ASTN2: variants seen among roughly 807,000 people sequenced by gnomAD.
The protein encoded by ASTN2 is astrotactin 2.
ASTN2 carries 54 observed loss-of-function variants against 139.8 expected under a neutral mutation model. The ratio of observed to expected loss-of-function variants is 0.39; its 90% CI spans 0.31 to 0.48. The LOEUF is 0.48. ASTN2 is among the 20% of genes least tolerant of loss of function. The pLI is 0.95. For missense variants in ASTN2, 1,565 were observed against 1,725.1 expected (o/e 0.91, Z 1.64); for synonymous variants, 756 against 719.5 (o/e 1.05, Z -0.81).
In ASTN2 at chr9:116,799,664, C is replaced by T. The variant is rs183705139; in HGVS notation, c.2396+5968G>A. Among the ~76,000 whole-genome samples the T allele has an allele frequency of 1.9e-3, 273 of 145,330 alleles. 1 individual carries two copies. The highest frequency in any genetic ancestry group is 0.015 in the Middle Eastern group (4 of 274). On this transcript the variant is annotated intron_variant, in intron 13 of 22. Transcript: ENST00000313400. The stretch of plus-strand genomic sequence containing the variant: ...CAATCTATAACCAAAGTTTACCTTT[C>T]TTCCTTATAGGAATGAAGTAGAATG...
chr9:116,588,012 G>A (rs1854228612), intron 19 of ASTN2, among the ~76,000 whole-genome samples: 1 of 152,112 alleles, frequency 6.6e-6, no homozygotes, highest in Non-Finnish European at 1.5e-5. Context: ...TTGTCATTTA[G>A]AGTGACCTGA....
At chr9:117,101,623 C>T (rs886125199) in intron 4 of ASTN2, among the ~76,000 whole-genome samples, 2 of 152,104 alleles carry the variant, frequency 1.3e-5, no homozygotes, top group Non-Finnish European at 2.9e-5. Flanking sequence ...CCTCCTACAC[C>T]TCACAAGGGG....
intron 19 of ASTN2, among the ~76,000 whole-genome samples, chr9:116,525,464 C>T (rs1157788470): frequency 6.6e-6 from 1 of 152,112 alleles, no homozygotes; most frequent in Non-Finnish European, 1.5e-5. Flanking sequence ...CCTCATCGGC[C>T]CTCCCCTCAT....
intron 1 of ASTN2, among the ~76,000 whole-genome samples, chr9:117,369,759 T>C (rs191158616): frequency 2.0e-5 from 3 of 152,156 alleles, no homozygotes; most frequent in Non-Finnish European, 2.9e-5. Flanking sequence ...TGAAGTCTTA[T>C]AGGTTCTTCT....
chr9:116,820,715 G>A lies in ASTN2; in HGVS notation c.2109C>T (p.Cys703=), dbSNP rs764864605. 6.2e-7 allele frequency: 1 copy of A among 1,614,238 alleles called. No individual in the cohort carries two copies. Among genetic ancestry groups the A allele is most frequent in the East Asian group, 2.2e-5 (1 of 44,880 alleles). The change falls in exon 12 of 23, where the codon TGC becomes TGT. Residue 703 remains cysteine (C), a synonymous_variant. Coordinates refer to ENST00000313400, the MANE Select transcript of ASTN2 (RefSeq NM_001365068.1). ...CACAGCCGCCATTAAAGCCATCAGAGCAGTCAATGCCTTTGGAGTGGTCGT... is the reference window on the plus strand; with the variant it reads ...CACAGCCGCCATTAAAGCCATCAGAACAGTCAATGCCTTTGGAGTGGTCGT... ...GCYDHSKGID[C]SDGFNGGCEQ...
chr9:117,065,185 T>C (rs913698863), intron 5 of ASTN2, among the ~76,000 whole-genome samples: 1 of 152,082 alleles, frequency 6.6e-6, no homozygotes, highest in Non-Finnish European at 1.5e-5. Flanking sequence ...ACAGAACAGA[T>C]TCTCCCTCCG....
chr9:116,677,011 G>C (rs958101571), intron 16 of ASTN2, among the ~76,000 whole-genome samples: 1 of 152,200 alleles, frequency 6.6e-6, no homozygotes, highest in Non-Finnish European at 1.5e-5. Flanking sequence ...CGCTTGGCAT[G>C]GCTAAAGCCA....
chr9:116,727,852 T>C (rs985098278), intron 15 of ASTN2, among the ~76,000 whole-genome samples: 2 of 152,186 alleles, frequency 1.3e-5, no homozygotes, highest in African/African-American at 4.8e-5. Flanking sequence ...CTCACAGTAC[T>C]GTTCTGTCAT....
chr9:116,782,281 C>A (rs1222315222), intron 13 of ASTN2, among the ~76,000 whole-genome samples: 1 of 152,140 alleles, frequency 6.6e-6, no homozygotes, highest in East Asian at 1.9e-4. Context: ...AATTAACTTG[C>A]CAAACTCCCC....
chr9:116,899,563 A>C (rs1833958564), intron 10 of ASTN2, among the ~76,000 whole-genome samples: 1 of 152,078 alleles, frequency 6.6e-6, no homozygotes, highest in Non-Finnish European at 1.5e-5. Flanking sequence ...GACATAACCA[A>C]CTCCATCTTG....
intron 10 of ASTN2, among the ~76,000 whole-genome samples, chr9:116,933,979 C>CTTTTTTTTTTTTTTTTTTTGTTTTTTT (rs1834988490): frequency 1.2e-5 from 1 of 86,910 alleles, no homozygotes; most frequent in Non-Finnish European, 2.2e-5. Flanking sequence ...AGTGTTAGTC[C>CTTTTTTTTTTTTTTTTTTTGTTTTTTT]TTTTTTTTTT....
intron 2 of ASTN2, among the ~76,000 whole-genome samples, chr9:117,231,202 A>C (rs1832880833): frequency 6.6e-6 from 1 of 152,236 alleles, no homozygotes; most frequent in Admixed American, 6.5e-5. Flanking sequence ...GATTACATGC[A>C]TCACTCTGCT....
chr9:117,043,329 C>T (rs1190582293), intron 5 of ASTN2, among the ~76,000 whole-genome samples: 1 of 152,160 alleles, frequency 6.6e-6, no homozygotes, highest in Non-Finnish European at 1.5e-5. Flanking sequence ...AATGGACACT[C>T]TGGACAGTGA....
intron 2 of ASTN2, among the ~76,000 whole-genome samples, chr9:117,245,982 C>T (rs1316544488): frequency 1.3e-5 from 2 of 152,140 alleles, no homozygotes; most frequent in African/African-American, 4.8e-5. Flanking sequence ...CATTCAACTC[C>T]AAGCTTCATG....
intron 19 of ASTN2, among the ~76,000 whole-genome samples, chr9:116,503,871 A>G (rs760243317): frequency 6.6e-6 from 1 of 152,168 alleles, no homozygotes; most frequent in Non-Finnish European, 1.5e-5. Context: ...CCCAGTTTAC[A>G]GGTACCTGTG....
chr9:116,797,032 A>T (rs1206479014), intron 13 of ASTN2, among the ~76,000 whole-genome samples: 1 of 151,516 alleles, frequency 6.6e-6, no homozygotes, highest in African/African-American at 2.4e-5. Flanking sequence ...TAATCCTCAG[A>T]CTAGTCTTGA....
chr9:116,973,051 A>G (rs1836252770), intron 10 of ASTN2, among the ~76,000 whole-genome samples: 1 of 152,220 alleles, frequency 6.6e-6, no homozygotes, highest in African/African-American at 2.4e-5. Context: ...TTATTAGTGC[A>G]GCTTGGAAAA....
chr9:116,705,228 G>A (rs955883099), intron 16 of ASTN2, among the ~76,000 whole-genome samples: 1 of 152,062 alleles, frequency 6.6e-6, no homozygotes, highest in African/African-American at 2.4e-5. Context: ...TTTTATTGCA[G>A]TATTGTGAAG....
intron 17 of ASTN2, among the ~76,000 whole-genome samples, chr9:116,623,525 T>A (rs969024354): frequency 1.4e-4 from 22 of 152,040 alleles, no homozygotes; most frequent in African/African-American, 4.8e-4. Context: ...CAACACTCCA[T>A]CCAGAGTCCA....
Sources: gnomAD v4.1 joint callset for allele counts (sites outside exome capture counted in the v4.1 genomes callset) on GRCh38, gnomAD v4.1.1 for gene constraint, MANE v1.5 for transcripts, NCBI Gene and HGNC (gene_info 2026-07-23, HGNC 2026-07-21) for gene names.